POU6F2: variants seen among roughly 807,000 people sequenced by gnomAD.
The protein encoded by POU6F2 is POU domain, class 6, transcription factor 2.
Under a neutral mutation model 71.3 loss-of-function variants are expected in POU6F2, and 31 were observed. The observed-to-expected ratio is 0.43, with a 90% confidence interval of 0.33 to 0.59. POU6F2 has a LOEUF of 0.59. Ranked by LOEUF, POU6F2 falls within the 20% of genes least tolerant of loss-of-function variation. POU6F2 has a pLI of 0.04. For synonymous variants in POU6F2, 347 were observed against 355.7 expected (o/e 0.98, Z 0.27); for missense variants, 783 against 856.8 (o/e 0.91, Z 1.07).
At chr7:39,251,106 T>G (rs1308620335) in intron 4 of POU6F2, among the ~76,000 whole-genome samples, 2 of 152,140 alleles carry the variant, frequency 1.3e-5, no homozygotes, top group Non-Finnish European at 2.9e-5. Context: ...TAAACACGAT[T>G]TGGTTTATTT....
intron 2 of POU6F2, among the ~76,000 whole-genome samples, chr7:39,097,152 A>G (rs955030800): frequency 1.3e-5 from 2 of 152,118 alleles, no homozygotes; most frequent in Non-Finnish European, 2.9e-5. Context: ...CTTAGTATAT[A>G]TGCCCTTTTC....
At chr7:39,316,376 C>T (rs999808662) in intron 4 of POU6F2, among the ~76,000 whole-genome samples, 17 of 152,116 alleles carry the variant, frequency 1.1e-4, no homozygotes, top group African/African-American at 3.9e-4. Flanking sequence ...TGACACTCGT[C>T]CCCAACATAT....
chr7:39,168,818 G>A (rs1030894417), intron 2 of POU6F2, among the ~76,000 whole-genome samples: 1 of 152,130 alleles, frequency 6.6e-6, no homozygotes, highest in Admixed American at 6.5e-5. Context: ...TTTCTGAGGG[G>A]ATAAAATGAG....
chr7:39,074,519 TTCTTTTA>T (rs1790956409), intron 1 of POU6F2, among the ~76,000 whole-genome samples: 2 of 152,194 alleles, frequency 1.3e-5, no homozygotes, highest in South Asian at 4.1e-4. Flanking sequence ...AATGTCTTTC[TTCTTTTA>T]TCTTTTATAG....
chr7:39,185,835 ATATG>A (rs1213601273), intron 2 of POU6F2, among the ~76,000 whole-genome samples: 6 of 125,598 alleles, frequency 4.8e-5, no homozygotes, highest in African/African-American at 2.0e-4. Context: ...ATGTATATGT[ATATG>A]TATATGTATA....
intron 2 of POU6F2, among the ~76,000 whole-genome samples, chr7:39,148,578 A>G (rs1322513512): frequency 3.3e-5 from 5 of 152,088 alleles, no homozygotes; most frequent in Non-Finnish European, 5.9e-5. Flanking sequence ...GGTGATGATG[A>G]TGATGATAAT....
In POU6F2 at chr7:39,189,651, C is replaced by T. The variant is rs374441053; in HGVS notation, c.278-14584C>T. Among the ~76,000 whole-genome samples the T allele has an allele frequency of 9.3e-4, 142 of 152,284 alleles. 2 individuals carry two copies. The South Asian group carries it at 0.022, about 23-fold the overall frequency. Reference sequence around the variant, plus strand: ...TCCTGACCTCATGATCTGCCCTCCTCGGGCTTGCAAAGTGCTGGGATTACA... The same window carrying T: ...TCCTGACCTCATGATCTGCCCTCCTTGGGCTTGCAAAGTGCTGGGATTACA... On this transcript the variant is annotated intron_variant, in intron 2 of 9. Transcript: ENST00000518318.
chr7:39,414,340 C>G (rs928677332), intron 6 of POU6F2, among the ~76,000 whole-genome samples: 1 of 152,142 alleles, frequency 6.6e-6, no homozygotes, highest in African/African-American at 2.4e-5. Flanking sequence ...TCAAACTGTT[C>G]CCAAAAGTCC....
At chr7:39,224,072 A>G (rs1794417156) in intron 4 of POU6F2, among the ~76,000 whole-genome samples, 1 of 152,192 alleles carries the variant, frequency 6.6e-6, no homozygotes, top group Non-Finnish European at 1.5e-5. Flanking sequence ...TATCATCTGT[A>G]CAGGCTGCCC....
intron 1 of POU6F2, among the ~76,000 whole-genome samples, chr7:39,015,861 A>ATTATATATAGAT (rs1491232563): frequency 1.7e-5 from 1 of 57,236 alleles, no homozygotes; most frequent in Non-Finnish European, 3.0e-5. Flanking sequence ...AGATATATAT[A>ATTATATATAGAT]ATATATTATA....
intron 1 of POU6F2, among the ~76,000 whole-genome samples, chr7:39,041,698 A>C (rs1285157419): frequency 6.6e-6 from 1 of 151,546 alleles, no homozygotes; most frequent in Non-Finnish European, 1.5e-5. Context: ...TTTCCATCTT[A>C]TTGATGGTTT....
intron 5 of POU6F2, among the ~76,000 whole-genome samples, chr7:39,403,723 T>A (rs1787354385): frequency 6.6e-6 from 1 of 152,322 alleles, no homozygotes; most frequent in East Asian, 1.9e-4. Flanking sequence ...AGAACACGTG[T>A]GGTTTCCTGA....
chr7:39,030,878 AC>A (rs1789926485), intron 1 of POU6F2, among the ~76,000 whole-genome samples: 1 of 151,582 alleles, frequency 6.6e-6, no homozygotes, highest in Non-Finnish European at 1.5e-5. Context: ...ATTGAACTAA[AC>A]TTTATTGTTT....
At chr7:39,269,444 A>G (rs1225847997) in intron 4 of POU6F2, among the ~76,000 whole-genome samples, 1 of 151,864 alleles carries the variant, frequency 6.6e-6, no homozygotes, top group Non-Finnish European at 1.5e-5. Context: ...GCCCCCCAAC[A>G]CCCCCACCAG....
intron 2 of POU6F2, among the ~76,000 whole-genome samples, chr7:39,125,754 T>C (rs1792128060): frequency 6.6e-6 from 1 of 151,644 alleles, no homozygotes; most frequent in Non-Finnish European, 1.5e-5. Flanking sequence ...TAAAAAAAAA[T>C]ATTGATTTCT....
intron 1 of POU6F2, among the ~76,000 whole-genome samples, chr7:38,999,813 G>A (rs374638075): frequency 8.5e-5 from 13 of 152,048 alleles, no homozygotes; most frequent in South Asian, 2.1e-4. Flanking sequence ...TTGTTGGGGC[G>A]TACCATTTAA....
intron 2 of POU6F2, among the ~76,000 whole-genome samples, chr7:39,095,288 T>G (rs922867380): frequency 2.0e-5 from 3 of 152,212 alleles, no homozygotes; most frequent in Non-Finnish European, 4.4e-5. Flanking sequence ...TTGATTTCTT[T>G]GCTCTAGTTT....
intron 1 of POU6F2, among the ~76,000 whole-genome samples, chr7:39,031,188 C>T (rs1034786605): frequency 2.6e-5 from 4 of 151,876 alleles, no homozygotes; most frequent in East Asian, 1.9e-4. Flanking sequence ...CGTGAGCCAC[C>T]GCGCCTGGCC....
intron 1 of POU6F2, among the ~76,000 whole-genome samples, chr7:38,988,584 C>T (rs1281466146): frequency 6.6e-6 from 1 of 152,022 alleles, no homozygotes; most frequent in Non-Finnish European, 1.5e-5. Flanking sequence ...TAAATATTTA[C>T]CCATCCAAAA....
Sources: gnomAD v4.1 joint callset for allele counts (sites outside exome capture counted in the v4.1 genomes callset) on GRCh38, gnomAD v4.1.1 for gene constraint, MANE v1.5 for transcripts, NCBI Gene and HGNC (gene_info 2026-07-23, HGNC 2026-07-21) for gene names.